RAD54L2: variants seen among roughly 807,000 people sequenced by gnomAD.
RAD54L2 encodes the protein RAD54 like 2.
RAD54L2 carries 27 observed loss-of-function variants against 138.4 expected under a neutral mutation model. The ratio of observed to expected loss-of-function variants is 0.20; its 90% CI spans 0.14 to 0.27. The LOEUF (loss-of-function observed/expected upper bound fraction) is 0.27. Among genes scored for constraint, RAD54L2 ranks in the 10% least tolerant of loss-of-function variants. The probability of loss-of-function intolerance (pLI) is 1.00; values close to 1 mark genes in which losing one functional copy is unlikely to be tolerated. For missense variants in RAD54L2, 1,396 were observed against 1,890.2 expected, an observed-to-expected ratio of 0.74 and a Z score of 4.85; for synonymous variants, 644 against 723.2, an observed-to-expected ratio of 0.89 and a Z score of 1.76.
In RAD54L2 at chr3:51,663,046, A is replaced by C. The variant is rs1180504259; in HGVS notation, c.4030A>C (p.Thr1344Pro). 2 of 1,613,726 alleles carry C rather than the reference A, an allele frequency of 1.2e-6. No homozygotes were observed. The highest frequency in any genetic ancestry group is 1.7e-6 in the Non-Finnish European group (2 of 1,179,866). ...ADARLVFPVTTDPLVPAGPVS... is the reference protein window; with the variant it reads ...ADARLVFPVTPDPLVPAGPVS... ...TGCCCGCCTGGTGTTTCCAGTGACT[A>C]CTGACCCTCTGGTGCCAGCAGGCCC... The change falls in exon 23 of 23, where the codon ACT becomes CCT. Residue 1344 changes from threonine (T) to proline (P), a missense_variant. This residue lies in a region of RAD54L2 where 634 missense variants were observed against 711.2 expected (regional missense o/e 0.89). Transcript: ENST00000684192.
At chr3:51,659,029 A>G (rs1046084937) in intron 21 of RAD54L2, among the ~76,000 whole-genome samples, 4 of 151,906 alleles carry the variant, frequency 2.6e-5, no homozygotes, top group African/African-American at 7.3e-5. Context: ...GTGTTACAGC[A>G]GCAGAATTGA....
intron 9 of RAD54L2, among the ~76,000 whole-genome samples, chr3:51,634,393 G>A (rs11917683): frequency 0.88 from 114,423 of 129,998 alleles, 50,353 homozygotes; most frequent in East Asian, 0.94. Context: ...TTTTTGAGAC[G>A]GAGTCTTGTT....
intron 3 of RAD54L2, among the ~76,000 whole-genome samples, chr3:51,612,649 C>G (rs914592923): frequency 3.4e-5 from 5 of 148,412 alleles, no homozygotes; most frequent in African/African-American, 1.2e-4. Flanking sequence ...AACAGCTAGT[C>G]TGTGGCTTAT....
In RAD54L2 at chr3:51,633,954, C is replaced by T. The variant is rs191008861; in HGVS notation, c.1061C>T (p.Pro354Leu). The change falls in exon 9 of 23, where the codon CCT (proline) becomes CTT (leucine). Residue 354 changes from proline to leucine, a missense_variant. Pro to Leu is a moderately conservative substitution (Grantham distance 98). This residue lies in a region of RAD54L2 where 169 missense variants were observed against 235.6 expected (regional missense o/e 0.72). Coordinates refer to ENST00000684192, the MANE Select transcript of RAD54L2 (RefSeq NM_015106.4). ...GAGTTCAACATGTGGCTTCCACCTC[C>T]TGAAGCCCTCCCGGCTGACAACAAG... ...LAEFNMWLPPPEALPADNKPE... is the reference protein window; with the variant it reads ...LAEFNMWLPPLEALPADNKPE... 1 of 1,613,820 alleles carries T rather than the reference C, an allele frequency of 6.2e-7. No homozygotes were observed. The highest frequency in any genetic ancestry group is 8.5e-7 in the Non-Finnish European group (1 of 1,179,700).
intron 3 of RAD54L2, among the ~76,000 whole-genome samples, chr3:51,608,684 G>C (rs1313714074): frequency 1.3e-5 from 2 of 152,246 alleles, no homozygotes; most frequent in Admixed American, 6.5e-5. Flanking sequence ...AAACCAGTCA[G>C]GTGTGGCGGC....
chr3:51,642,138 C>G (rs538884861), intron 15 of RAD54L2, among the ~76,000 whole-genome samples: 1 of 152,058 alleles, frequency 6.6e-6, no homozygotes, highest in African/African-American at 2.4e-5. Context: ...AATTGAGTGC[C>G]CCTAACTGGG....
chr3:51,618,101 G>A (rs1408296122), intron 3 of RAD54L2, among the ~76,000 whole-genome samples: 1 of 151,082 alleles, frequency 6.6e-6, no homozygotes, highest in Non-Finnish European at 1.5e-5. Flanking sequence ...TGGGACTACA[G>A]GCACGTGCCA....
rs566699754 is a variant in RAD54L2 at position 51,664,950 on chromosome 3, A to G, written c.*1530A>G. 2 of 152,238 alleles carry G rather than the reference A, an allele frequency of 1.3e-5. No homozygotes were observed. Among genetic ancestry groups the G allele is most frequent in the Admixed American group, 1.3e-4 (2 of 15,296 alleles). 9.4% of individuals were successfully genotyped at this position (152,238 alleles called of 1,614,324 possible). A position where few individuals can be genotyped will look rare whatever the true frequency, so the allele number is the denominator to read the frequency against. On this transcript the variant is annotated 3_prime_UTR_variant, in exon 23 of 23. Transcript: ENST00000684192. ...GAGGGACTGTTGATTTCATGTTCGA[A>G]AATATCTTCAGGTGGTCCATGTAGG...
Position 51,645,216 on chromosome 3 carries a change from G to A in RAD54L2, c.2643G>A (p.Lys881=). The change falls in exon 17 of 23, where the codon AAG becomes AAA. Residue 881 remains lysine (K), a synonymous_variant. Transcript: ENST00000684192. The surrounding 1 kb of genome is among the most constrained non-coding windows in gnomAD (Gnocchi z 6.1). ...EKKIYDRQIS[K]QGMSDRVVDD... ...AGATCTATGACCGTCAGATTTCCAA[G>A]CAGGGCATGTCAGGTGGGCCATCTT... The A allele has an allele frequency of 6.2e-7, 1 of 1,612,022 alleles. No homozygotes were observed. Among genetic ancestry groups the A allele is most frequent in the Non-Finnish European group, 8.5e-7 (1 of 1,178,954 alleles).
At chr3:51,607,055 G>T in intron 3 of RAD54L2, among the ~76,000 whole-genome samples, 1 of 135,230 alleles carries the variant, frequency 7.4e-6, no homozygotes, top group African/African-American at 2.7e-5. Context: ...ACTTTTTTTG[G>T]ATTTCTCTTT....
At chr3:51,598,374 A>G (rs1700016826) in intron 3 of RAD54L2, among the ~76,000 whole-genome samples, 1 of 152,054 alleles carries the variant, frequency 6.6e-6, no homozygotes, top group South Asian at 2.1e-4. Context: ...TATGGGTCAT[A>G]AGACCCTCAT....
At chr3:51,551,063 G>T (rs1200840382) in intron 2 of RAD54L2, among the ~76,000 whole-genome samples, 2 of 152,012 alleles carry the variant, frequency 1.3e-5, no homozygotes, top group Non-Finnish European at 2.9e-5. Context: ...GTGTGTAAGA[G>T]AAAGTAATTC....
In RAD54L2 at chr3:51,662,445, C is replaced by T. The variant is rs746942398; in HGVS notation, c.3429C>T (p.Cys1143=). The T allele has an allele frequency of 1.9e-5, 29 of 1,529,120 alleles. No homozygotes were observed. The South Asian group carries it at 2.8e-4, about 15-fold the overall frequency. 94.7% of individuals were successfully genotyped at this position (1,529,120 alleles called of 1,614,324 possible). The stretch of plus-strand genomic sequence containing the variant: ...CCCCAGGTTCCCAGGGACCTTCTTG[C>T]GAGTCCACAAGCAACGGCAGACACA... ...MAASGSQGPS[C]ESTSNGRHSA... Residue 1143 remains cysteine (C), a synonymous_variant, in exon 23 of 23, where the codon TGC becomes TGT. Transcript: ENST00000684192. This position sits in a 1 kb window ranked among gnomAD's most constrained non-coding sequence, Gnocchi z 4.6.
chr3:51,639,590 G>T lies in RAD54L2; in HGVS notation c.2032G>T (p.Ala678Ser), dbSNP rs753725047. 42 of 1,613,818 alleles carry T rather than the reference G, an allele frequency of 2.6e-5. No individual in the cohort carries two copies. ...DSTLASSMGEATNSKFLQGVG... is the reference protein window; with the variant it reads ...DSTLASSMGESTNSKFLQGVG... ...CACCTTGGCTTCCTCGATGGGAGAG[G>T]CAACCAATAGCAAGTTCCTACAGGG... The change falls in exon 13 of 23, where the codon GCA becomes TCA. Residue 678 changes from alanine (A) to serine (S), a missense_variant. This residue lies in a region of RAD54L2 where 211 missense variants were observed against 273.8 expected (regional missense o/e 0.77). Coordinates refer to ENST00000684192, the MANE Select transcript of RAD54L2 (RefSeq NM_015106.4).
chr3:51,658,462 C>G (rs1295334424), intron 21 of RAD54L2, among the ~76,000 whole-genome samples: 2 of 152,176 alleles, frequency 1.3e-5, no homozygotes, highest in East Asian at 1.9e-4. Context: ...CTGCCTCTGT[C>G]CTCCTTTCAG....
At chr3:51,597,983 A>G (rs1700002063) in intron 3 of RAD54L2, among the ~76,000 whole-genome samples, 1 of 151,344 alleles carries the variant, frequency 6.6e-6, no homozygotes, top group Non-Finnish European at 1.5e-5. Context: ...TGAATATCAA[A>G]ATAATTATGC....
chr3:51,644,724 C>T (rs748568482), intron 16 of RAD54L2, among the ~76,000 whole-genome samples: 11 of 152,176 alleles, frequency 7.2e-5, no homozygotes, highest in Admixed American at 1.3e-4. Context: ...CATCTGTGTG[C>T]AGAAGTTTCC....
At chr3:51,539,468 A>C (rs1553670863) in intron 1 of RAD54L2, among the ~76,000 whole-genome samples, 1 of 152,150 alleles carries the variant, frequency 6.6e-6, no homozygotes, top group Non-Finnish European at 1.5e-5. Flanking sequence ...AGCTGGGCAC[A>C]AGAGAGTTAA....
intron 2 of RAD54L2, among the ~76,000 whole-genome samples, chr3:51,546,337 T>C (rs1399697547): frequency 6.6e-6 from 1 of 151,972 alleles, no homozygotes; most frequent in Non-Finnish European, 1.5e-5. Context: ...AAAGTTGATA[T>C]CAGATAAAAA....
Sources: allele counts gnomAD v4.1 joint callset (sites outside exome capture counted in the v4.1 genomes callset), GRCh38; gene constraint gnomAD v4.1.1; regional missense constraint gnomAD v4.1.1; non-coding constraint Gnocchi (gnomAD v3.1); transcripts MANE v1.5; gene names NCBI Gene and HGNC (gene_info 2026-07-23, HGNC 2026-07-21).